The following GP9 variants were observed in gnomAD, a reference collection of about 807,000 sequenced individuals.
GP9 encodes the protein glycoprotein IX platelet, also known as platelet glycoprotein IX.
For missense variants in GP9, 228 were observed against 241.8 expected, an observed-to-expected ratio of 0.94 and a Z score of 0.38; for synonymous variants, 116 against 116.7, an observed-to-expected ratio of 0.99 and a Z score of 0.04.
rs1946586011 is a variant in GP9, at chr3:129,062,160, G to A, written c.421G>A (p.Ala141Thr). ...GGGCAGCTGTGGCTGGCAGCTGCAGGCGTCCTGGGTGCGCCCGGGGGTCTT... is the reference window on the plus strand; with the variant it reads ...GGGCAGCTGTGGCTGGCAGCTGCAGACGTCCTGGGTGCGCCCGGGGGTCTT... ...QLGSCGWQLQ[A>T]SWVRPGVLWD... Residue 141 changes from alanine (A) to threonine (T), a missense_variant, in exon 3 of 3, where the codon GCG (alanine) becomes ACG (threonine). Coordinates refer to ENST00000307395, the MANE Select transcript of GP9 (RefSeq NM_000174.5). 2 of 1,581,964 alleles carry A rather than the reference G, an allele frequency of 1.3e-6. No individual in the cohort carries two copies. The highest frequency in any genetic ancestry group is 1.7e-6 in the Non-Finnish European group (2 of 1,167,872).
rs770152913 is a variant in GP9, at chr3:129,062,093, C to T, written c.354C>T (p.Leu118=). The T allele has an allele frequency of 2.4e-5, 39 of 1,607,576 alleles. No homozygotes were observed. The highest frequency in any genetic ancestry group is 3.1e-5 in the Non-Finnish European group (37 of 1,177,840). ...LLQVRCASPS[L]AAHGPLGRLT... is the part of the protein sequence containing the mutation. ...AGGTCCGCTGTGCCAGCCCCAGCCT[C>T]GCTGCCCATGGCCCGCTGGGCCGGC... Residue 118 remains leucine (L), a synonymous_variant, in exon 3 of 3, where the codon CTC becomes CTT. Transcript: ENST00000307395.
In GP9 at chr3:129,062,161, C is replaced by T. The variant is rs775523305; in HGVS notation, c.422C>T (p.Ala141Val). The change falls in exon 3 of 3, where the codon GCG (alanine) becomes GTG (valine). Residue 141 changes from alanine to valine, a missense_variant. Coordinates refer to ENST00000307395, the MANE Select transcript of GP9 (RefSeq NM_000174.5). ...QLGSCGWQLQ[A>V]SWVRPGVLWD... The stretch of plus-strand genomic sequence containing the variant: ...GGCAGCTGTGGCTGGCAGCTGCAGG[C>T]GTCCTGGGTGCGCCCGGGGGTCTTG... 45 of 1,580,452 alleles carry T rather than the reference C, an allele frequency of 2.8e-5. No individual in the cohort carries two copies. The highest frequency in any genetic ancestry group is 9.0e-5 in the Admixed American group (5 of 55,714).
chr3:129,054,967 G>T, the GP9 span, among the ~76,000 whole-genome samples: 1 of 152,126 alleles, frequency 6.6e-6, no homozygotes, highest in African/African-American at 2.4e-5. Flanking sequence ...TTCTTTAAGT[G>T]TGGGGTGACT....
the GP9 span, among the ~76,000 whole-genome samples, chr3:129,055,748 G>T: frequency 6.6e-6 from 1 of 151,690 alleles, no homozygotes; most frequent in African/African-American, 2.4e-5. Flanking sequence ...AGGTTCAAGC[G>T]ATTCTCCTGC....
rs923137982 is a variant in GP9 at position 129,061,991 on chromosome 3, G to A, written c.252G>A (p.Gln84=). Reference sequence around the variant, plus strand: ...AGCTGCAGACCCTCGATGTGACGCAGAACCCCTGGCACTGTGACTGCAGCC... The same window carrying A: ...AGCTGCAGACCCTCGATGTGACGCAAAACCCCTGGCACTGTGACTGCAGCC... ...LPQLQTLDVT[Q]NPWHCDCSLT... Residue 84 remains glutamine, a synonymous_variant, in exon 3 of 3, where the codon CAG becomes CAA. Transcript: ENST00000307395. The A allele has an allele frequency of 6.2e-7, 1 of 1,613,800 alleles. No homozygotes were observed. Among genetic ancestry groups the A allele is most frequent in the Non-Finnish European group, 8.5e-7 (1 of 1,179,892 alleles).
chr3:129,055,181 A>C, the GP9 span, among the ~76,000 whole-genome samples: 1 of 152,196 alleles, frequency 6.6e-6, no homozygotes, highest in Non-Finnish European at 1.5e-5. Context: ...CGTGGCTGGA[A>C]GCTCAGTTTT....
Position 129,061,864 on chromosome 3 carries a change from G to T in GP9, c.125G>T (p.Gly42Val), listed in dbSNP as rs962839753. The T allele has an allele frequency of 6.2e-6, 10 of 1,612,660 alleles. No homozygotes were observed. The highest frequency in any genetic ancestry group is 8.5e-6 in the Non-Finnish European group (10 of 1,179,642). ...MGLWVDCRGH[G>V]LTALPALPAR... ...CTGTGGGTGGACTGCAGGGGCCACG[G>T]ACTCACGGCCCTGCCTGCCCTGCCG... Residue 42 changes from glycine (G) to valine (V), a missense_variant, in exon 3 of 3, where the codon GGA becomes GTA. Transcript: ENST00000307395.
upstream of GP9, among the ~76,000 whole-genome samples, chr3:129,059,836 G>C (rs984023017): frequency 6.6e-6 from 1 of 152,192 alleles, no homozygotes; most frequent in Non-Finnish European, 1.5e-5. Context: ...CCCCACCCCC[G>C]TAGGGCCGAG....
rs769561588 is a variant in GP9 at position 129,062,143 on chromosome 3, G to T, written c.404G>T (p.Cys135Phe). The change falls in exon 3 of 3, where the codon TGT becomes TTT. Residue 135 changes from cysteine (C) to phenylalanine (F), a missense_variant. Cys to Phe is a radical substitution (Grantham distance 205, BLOSUM62 -2). Coordinates refer to ENST00000307395, the MANE Select transcript of GP9 (RefSeq NM_000174.5). ...CTGACAGGCTACCAGCTGGGCAGCT[G>T]TGGCTGGCAGCTGCAGGCGTCCTGG... Reference protein sequence around the residue: ...GRLTGYQLGSCGWQLQASWVR... With the variant: ...GRLTGYQLGSFGWQLQASWVR... 1 of 1,588,170 alleles carries T rather than the reference G, an allele frequency of 6.3e-7. No individual in the cohort carries two copies. Among genetic ancestry groups the T allele is most frequent in the Non-Finnish European group, 8.5e-7 (1 of 1,170,352 alleles).
Position 129,062,281 on chromosome 3 carries a change from C to T in GP9, c.*8C>T, listed in dbSNP as rs1431300098. 6.5e-7 allele frequency: 1 copy of T among 1,536,898 alleles called. No individual in the cohort carries two copies. Among genetic ancestry groups the T allele is most frequent in the South Asian group, 1.2e-5 (1 of 83,692 alleles). On this transcript the variant is annotated 3_prime_UTR_variant, in exon 3 of 3. Transcript: ENST00000307395. ...ACAGAGGCCCTGGATTGAGCCAGGC[C>T]CCCAGAACCCCTGGCTCCAGGCCAG...
chr3:129,061,373 C>T lies in GP9; in HGVS notation c.-138-121C>T, dbSNP rs148475069. 4.4e-3 allele frequency: 1,705 copies of T among 383,266 alleles called. 4 individuals are homozygous for T. Among genetic ancestry groups the T allele is most frequent in the Middle Eastern group, 0.013 (16 of 1,190 alleles). 23.7% of individuals were successfully genotyped at this position (383,266 alleles called of 1,614,324 possible). ...TTTCCTAGTCTCTGGGGACTGTGGTCCTGGGCTGGGACTCATTTAGCAGCC... is the reference window on the plus strand; with the variant it reads ...TTTCCTAGTCTCTGGGGACTGTGGTTCTGGGCTGGGACTCATTTAGCAGCC... On this transcript the variant is annotated intron_variant, in intron 1 of 2. Transcript: ENST00000307395.
At position 129,062,293 on chromosome 3, in the gene GP9, T is replaced by A. The variant is rs919887424; in HGVS notation, c.*20T>A. On this transcript the variant is annotated 3_prime_UTR_variant, in exon 3 of 3. Transcript: ENST00000307395. ...GATTGAGCCAGGCCCCCAGAACCCCTGGCTCCAGGCCAGGGGGCCAGTCCC... is the reference window on the plus strand; with the variant it reads ...GATTGAGCCAGGCCCCCAGAACCCCAGGCTCCAGGCCAGGGGGCCAGTCCC... The A allele has an allele frequency of 6.6e-7, 1 of 1,525,582 alleles. No individual in the cohort carries two copies. The highest frequency in any genetic ancestry group is 8.9e-7 in the Non-Finnish European group (1 of 1,128,796). The allele number at this position is 1,525,582 out of a possible 1,614,324, so 94.5% of individuals were successfully genotyped here. A position where few individuals can be genotyped will look rare whatever the true frequency, so the allele number is the denominator to read the frequency against.
chr3:129,058,077 A>G (rs1946537833), upstream of GP9, among the ~76,000 whole-genome samples: 1 of 152,118 alleles, frequency 6.6e-6, no homozygotes, highest in African/African-American at 2.4e-5. Context: ...GCAGACCTAA[A>G]GTGATCTGCC....
At chr3:129,059,261 C>T (rs1039565728), upstream of GP9, among the ~76,000 whole-genome samples, 2 of 152,190 alleles carry the variant, frequency 1.3e-5, no homozygotes, top group African/African-American at 4.8e-5. Flanking sequence ...GTTGTACATG[C>T]TGAAAATAAG....
upstream of GP9, among the ~76,000 whole-genome samples, chr3:129,057,091 T>C (rs1322184269): frequency 6.6e-6 from 1 of 152,118 alleles, no homozygotes; most frequent in African/African-American, 2.4e-5. Context: ...AAGTATGTAT[T>C]AGATAATGCC....
At chr3:129,055,437 C>T in the GP9 span, among the ~76,000 whole-genome samples, 1 of 152,202 alleles carries the variant, frequency 6.6e-6, no homozygotes, top group East Asian at 1.9e-4. Context: ...TCATTCATTT[C>T]TGACCAGATA....
chr3:129,062,366 AG>A lies in GP9; in HGVS notation c.*94del. ...CCAAGCCTGGTCAGCCCAAACCACC[AG>A]AAGCCCAGAATAAACTGGCAGCTCA... On this transcript the variant is annotated 3_prime_UTR_variant, in exon 3 of 3. Coordinates refer to ENST00000307395, the MANE Select transcript of GP9 (RefSeq NM_000174.5). 1 of 850,102 alleles carries A rather than the reference AG, an allele frequency of 1.2e-6. No individual in the cohort carries two copies. Among genetic ancestry groups the A allele is most frequent in the South Asian group, 1.7e-5 (1 of 58,844 alleles). 52.7% of individuals were successfully genotyped at this position (850,102 alleles called of 1,614,324 possible).
chr3:129,062,126 C>T lies in GP9; in HGVS notation c.387C>T (p.Gly129=), dbSNP rs376032777. ...ATGGCCCGCTGGGCCGGCTGACAGG[C>T]TACCAGCTGGGCAGCTGTGGCTGGC... is the stretch of plus-strand genomic sequence containing the variant. The part of the protein sequence containing the change: ...AAHGPLGRLT[G]YQLGSCGWQL... The change falls in exon 3 of 3, where the codon GGC becomes GGT. Residue 129 remains glycine, a synonymous_variant. Transcript: ENST00000307395. 64 of 1,593,892 alleles carry T rather than the reference C, an allele frequency of 4.0e-5. No individual in the cohort carries two copies. The African/African-American group carries it at 7.1e-4, about 18-fold the overall frequency.
In GP9 at chr3:129,062,096, T is replaced by C. The variant is rs763793634; in HGVS notation, c.357T>C (p.Ala119=). The change falls in exon 3 of 3, where the codon GCT becomes GCC. Residue 119 remains alanine (A), a synonymous_variant. Transcript: ENST00000307395. The part of the protein sequence containing the change: ...LQVRCASPSL[A]AHGPLGRLTG... Reference sequence around the variant, plus strand: ...TCCGCTGTGCCAGCCCCAGCCTCGCTGCCCATGGCCCGCTGGGCCGGCTGA... The same window carrying C: ...TCCGCTGTGCCAGCCCCAGCCTCGCCGCCCATGGCCCGCTGGGCCGGCTGA... The C allele has an allele frequency of 2.5e-6, 4 of 1,606,706 alleles. No homozygotes were observed. The African/African-American group carries it at 5.3e-5, about 21-fold the overall frequency.
Sources: allele counts gnomAD v4.1 joint callset (sites outside exome capture counted in the v4.1 genomes callset), GRCh38; gene constraint gnomAD v4.1.1; transcripts MANE v1.5; gene names NCBI Gene and HGNC (gene_info 2026-07-23, HGNC 2026-07-21).